Variants in CDH13 observed in about 807,000 individuals in gnomAD.
CDH13 encodes the protein cadherin-13.
Under a neutral mutation model 63.8 loss-of-function variants are expected in CDH13, and 24 were observed. That is an observed-to-expected ratio of 0.38 (90% CI 0.27 to 0.53). CDH13 has a LOEUF of 0.53. Among genes scored for constraint, CDH13 ranks in the 20% least tolerant of loss-of-function variants. The probability of loss-of-function intolerance (pLI) is 0.85; values close to 1 mark genes in which losing one functional copy is unlikely to be tolerated. For missense variants in CDH13, 1,049 were observed against 903.1 expected, an observed-to-expected ratio of 1.16 and a Z score of -2.07; for synonymous variants, 503 against 355.3, an observed-to-expected ratio of 1.42 and a Z score of -4.67.
chr16:83,655,792 A>C (rs1912817150), intron 8 of CDH13, among the ~76,000 whole-genome samples: 1 of 152,190 alleles, frequency 6.6e-6, no homozygotes, highest in African/African-American at 2.4e-5. Flanking sequence ...GAATCAATGA[A>C]TCATGTTTAA....
intron 4 of CDH13, among the ~76,000 whole-genome samples, chr16:83,184,518 G>T (rs1417881220): frequency 6.6e-6 from 1 of 152,152 alleles, no homozygotes; most frequent in Non-Finnish European, 1.5e-5. Context: ...ACTTTGGGAG[G>T]CTGAGGTGGG....
chr16:82,862,000 A>G (rs2039965297), intron 2 of CDH13, among the ~76,000 whole-genome samples: 2 of 152,220 alleles, frequency 1.3e-5, no homozygotes, highest in Admixed American at 1.3e-4. Flanking sequence ...ACAAGAAGAA[A>G]GGAGAAGTCA....
intron 6 of CDH13, among the ~76,000 whole-genome samples, chr16:83,409,275 A>T (rs780697500): frequency 6.6e-6 from 1 of 151,498 alleles, no homozygotes; most frequent in Non-Finnish European, 1.5e-5. Context: ...TGCCAATCCC[A>T]TTCTTGACTG....
intron 8 of CDH13, 48 bp from the exon 9 acceptor site, chr16:83,670,742 A>G (rs1348010513): frequency 6.5e-7 from 1 of 1,542,468 alleles, no homozygotes; most frequent in Non-Finnish European, 9.0e-7. Context: ...GTAGTAAATG[A>G]CTATGTGTTT....
At chr16:83,506,374 C>G (rs1000387116) in intron 7 of CDH13, among the ~76,000 whole-genome samples, 5 of 152,122 alleles carry the variant, frequency 3.3e-5, no homozygotes, top group Non-Finnish European at 4.4e-5. Context: ...CACTCAAATC[C>G]CAACAGATGA....
chr16:83,270,523 C>T (rs1442803341), intron 5 of CDH13, among the ~76,000 whole-genome samples: 1 of 152,276 alleles, frequency 6.6e-6, no homozygotes, highest in South Asian at 2.1e-4. Context: ...TTATCAATGT[C>T]GGTATCCATG....
At chr16:83,249,119 G>T (rs1430559603) in intron 5 of CDH13, among the ~76,000 whole-genome samples, 1 of 152,116 alleles carries the variant, frequency 6.6e-6, no homozygotes, top group Non-Finnish European at 1.5e-5. Flanking sequence ...TTCTCTGCTG[G>T]ACCTTCATGT....
intron 1 of CDH13, among the ~76,000 whole-genome samples, chr16:82,667,664 G>A (rs145992575): frequency 5.9e-5 from 9 of 152,254 alleles, no homozygotes; most frequent in South Asian, 2.1e-4. Flanking sequence ...GAGATGTGAC[G>A]TGAGTGAGGA....
chr16:82,828,767 A>G (rs2038385320), intron 1 of CDH13, among the ~76,000 whole-genome samples: 1 of 152,178 alleles, frequency 6.6e-6, no homozygotes, highest in Admixed American at 6.5e-5. Context: ...CTATTTTCAT[A>G]GCATTTACAT....
chr16:83,412,262 G>A (rs2092139352), intron 6 of CDH13, among the ~76,000 whole-genome samples: 1 of 152,194 alleles, frequency 6.6e-6, no homozygotes, highest in Admixed American at 6.5e-5. Context: ...AGGAGTTCGA[G>A]ACCAGCTTGG....
At chr16:82,879,694 A>C (rs1384903059) in intron 2 of CDH13, among the ~76,000 whole-genome samples, 1 of 138,866 alleles carries the variant, frequency 7.2e-6, no homozygotes, top group Non-Finnish European at 1.5e-5. Flanking sequence ...ATATAATAAT[A>C]TAACCAGTAT....
rs2034954213 is a variant in CDH13 at position 82,764,008 on chromosome 16, AAGG to A, written c.46-94352_46-94350del. On this transcript the variant is annotated intron_variant, in intron 1 of 13. Coordinates refer to ENST00000567109, the MANE Select transcript of CDH13 (RefSeq NM_001257.5). Reference sequence around the variant, plus strand: ...TTGAAAAGGAAAGGGGTAGAGTGACAAGGACTGGTTGCATCTCACATTCCAAAC... The same window carrying A: ...TTGAAAAGGAAAGGGGTAGAGTGACAACTGGTTGCATCTCACATTCCAAAC... Among the ~76,000 whole-genome samples the A allele has an allele frequency of 3.3e-5, 5 of 152,322 alleles. No individual in the cohort carries two copies. The South Asian group carries it at 1.0e-3, about 32-fold the overall frequency.
intron 2 of CDH13, among the ~76,000 whole-genome samples, chr16:83,023,528 G>T (rs919093552): frequency 1.3e-5 from 2 of 152,182 alleles, no homozygotes; most frequent in Non-Finnish European, 1.5e-5. Context: ...TTGAGTATTT[G>T]TTCACAAGTT....
At chr16:83,216,427 T>TAAATATATATATATATATATATATAA (rs1555513891) in intron 4 of CDH13, among the ~76,000 whole-genome samples, 1 of 45,056 alleles carries the variant, frequency 2.2e-5, no homozygotes, top group Non-Finnish European at 5.0e-5. Context: ...TATATATATA[T>TAAATATATATATATATATATATATAA]ATATATATAT....
intron 2 of CDH13, among the ~76,000 whole-genome samples, chr16:82,951,647 C>G (rs1476866192): frequency 6.6e-6 from 1 of 152,160 alleles, no homozygotes; most frequent in Non-Finnish European, 1.5e-5. Context: ...CATGTGCTCC[C>G]CACAACTCTC....
At chr16:82,796,889 C>T (rs1429964063) in intron 1 of CDH13, among the ~76,000 whole-genome samples, 1 of 152,192 alleles carries the variant, frequency 6.6e-6, no homozygotes, top group Non-Finnish European at 1.5e-5. Flanking sequence ...ACCTGTGGAC[C>T]TATGTGTACT....
intron 7 of CDH13, among the ~76,000 whole-genome samples, chr16:83,594,666 A>T (rs557111447): frequency 6.6e-6 from 1 of 152,202 alleles, no homozygotes; most frequent in Non-Finnish European, 1.5e-5. Flanking sequence ...CGAGAGAGAG[A>T]TGGGGTACTG....
chr16:83,769,012 C>T (rs574693288), intron 11 of CDH13, among the ~76,000 whole-genome samples: 35 of 152,316 alleles, frequency 2.3e-4, no homozygotes, highest in African/African-American at 7.9e-4. Context: ...GTTCAAACAC[C>T]TTGACCACAG....
intron 1 of CDH13, among the ~76,000 whole-genome samples, chr16:82,660,644 C>G (rs1452893094): frequency 6.6e-6 from 1 of 152,146 alleles, no homozygotes; most frequent in African/African-American, 2.4e-5. Flanking sequence ...TAAGCCCTTT[C>G]ACTGTATACC....
Sources: allele counts gnomAD v4.1 joint callset (sites outside exome capture counted in the v4.1 genomes callset), GRCh38; gene constraint gnomAD v4.1.1; transcripts MANE v1.5; gene names NCBI Gene and HGNC (gene_info 2026-07-23, HGNC 2026-07-21).